Variants in PAWR observed in about 807,000 individuals in gnomAD.
PAWR encodes pro-apoptotic WT1 regulator, also known as PRKC apoptosis WT1 regulator protein.
In PAWR, 23 loss-of-function variants were observed where a neutral mutation model predicts 32.0. The ratio of observed to expected loss-of-function variants is 0.72; its 90% CI spans 0.52 to 1.02. The LOEUF is 1.02. PAWR is among the 50% of genes least tolerant of loss of function. The probability of loss-of-function intolerance (pLI) is 0.00; values close to 1 mark genes in which losing one functional copy is unlikely to be tolerated. For missense variants in PAWR, 457 were observed against 437.7 expected (o/e 1.04, Z -0.39); for synonymous variants, 226 against 187.1 (o/e 1.21, Z -1.70).
chr12:79,682,372 T>C (rs1434788126), intron 2 of PAWR, among the ~76,000 whole-genome samples: 7 of 152,312 alleles, frequency 4.6e-5, no homozygotes, highest in African/African-American at 7.2e-5. Flanking sequence ...CACAGAATTG[T>C]AATCCACAAT....
intron 4 of PAWR, among the ~76,000 whole-genome samples, chr12:79,610,883 T>G (rs1874404411): frequency 1.3e-5 from 2 of 150,046 alleles, no homozygotes; most frequent in African/African-American, 2.4e-5. Flanking sequence ...CACCTCCAAA[T>G]AGTTCCCTAC....
In PAWR at chr12:79,594,332, A is replaced by G. The variant is rs779182445; in HGVS notation, c.933T>C (p.Asn311=). 1 of 1,376,116 alleles carries G rather than the reference A, an allele frequency of 7.3e-7. No individual in the cohort carries two copies. Among genetic ancestry groups the G allele is most frequent in the Non-Finnish European group, 1.0e-6 (1 of 977,916 alleles). The allele number at this position is 1,376,116 out of a possible 1,614,324, so 85.2% of individuals were successfully genotyped here. A position where few individuals can be genotyped will look rare whatever the true frequency, so the allele number is the denominator to read the frequency against. Residue 311 remains asparagine, a synonymous_variant, in exon 6 of 7, where the codon AAT becomes AAC. Coordinates refer to ENST00000328827, the MANE Select transcript of PAWR (RefSeq NM_002583.4). ...TGAAATATGGTGAAATACTTACTCT[A>G]TTTAATAAATCAATTTCTTCTTTGA... ...GKLKEEIDLL[N]RDLDDIEDEN... is the part of the protein sequence containing the mutation.
chr12:79,628,220 T>C (rs1279093058), intron 2 of PAWR, among the ~76,000 whole-genome samples: 4 of 152,012 alleles, frequency 2.6e-5, no homozygotes, highest in Non-Finnish European at 5.9e-5. Flanking sequence ...GGGTACATAA[T>C]GAAATGAAGG....
At chr12:79,655,246 A>C (rs903209493) in intron 2 of PAWR, among the ~76,000 whole-genome samples, 4 of 152,168 alleles carry the variant, frequency 2.6e-5, no homozygotes, top group Non-Finnish European at 4.4e-5. Flanking sequence ...AAGTCTGAGG[A>C]GTACTGGTCT....
chr12:79,600,165 C>A (rs998677365), intron 4 of PAWR, among the ~76,000 whole-genome samples: 2 of 152,074 alleles, frequency 1.3e-5, no homozygotes, highest in Non-Finnish European at 2.9e-5. Context: ...AGTACAAATT[C>A]TTTTGATCTG....
At chr12:79,606,911 T>C (rs979383590) in intron 4 of PAWR, among the ~76,000 whole-genome samples, 7 of 152,130 alleles carry the variant, frequency 4.6e-5, no homozygotes, top group Admixed American at 4.6e-4. Context: ...CTTTGAATAG[T>C]ACCTGGTACA....
intron 2 of PAWR, among the ~76,000 whole-genome samples, chr12:79,683,412 T>C (rs1039677121): frequency 2.6e-5 from 4 of 152,168 alleles, no homozygotes; most frequent in African/African-American, 4.8e-5. Flanking sequence ...TCCCAAACTT[T>C]AGTGTGTACC....
intron 4 of PAWR, among the ~76,000 whole-genome samples, chr12:79,605,717 C>T (rs1021715829): frequency 6.6e-6 from 1 of 152,064 alleles, no homozygotes; most frequent in African/African-American, 2.4e-5. Flanking sequence ...ATAGTATATC[C>T]TGCAAACTTC....
chr12:79,618,875 C>T (rs1874870628), intron 3 of PAWR, among the ~76,000 whole-genome samples: 1 of 151,748 alleles, frequency 6.6e-6, no homozygotes, highest in Non-Finnish European at 1.5e-5. Flanking sequence ...TTATTTGGCA[C>T]TTTAATAATT....
At chr12:79,684,680 A>G (rs1452253509) in intron 2 of PAWR, among the ~76,000 whole-genome samples, 1 of 152,182 alleles carries the variant, frequency 6.6e-6, no homozygotes, top group Non-Finnish European at 1.5e-5. Context: ...TAGCTTGATA[A>G]TGATTTTAAA....
At chr12:79,659,315 A>C (rs1200774715) in intron 2 of PAWR, among the ~76,000 whole-genome samples, 1 of 152,124 alleles carries the variant, frequency 6.6e-6, no homozygotes, top group Non-Finnish European at 1.5e-5. Flanking sequence ...AAAAAATCTA[A>C]ATTCAAGCTA....
intron 2 of PAWR, among the ~76,000 whole-genome samples, chr12:79,639,884 T>TCCTATTCCTATTC (rs1403328612): frequency 2.6e-5 from 2 of 77,596 alleles, no homozygotes; most frequent in Admixed American, 1.4e-4. Flanking sequence ...CTATTCCTAT[T>TCCTATTCCTATTC]CCATTCCATT....
At chr12:79,682,178 G>T (rs565792669) in intron 2 of PAWR, among the ~76,000 whole-genome samples, 122 of 152,176 alleles carry the variant, frequency 8.0e-4, no homozygotes, top group African/African-American at 2.9e-3. Flanking sequence ...CTGAGCCAGG[G>T]TCTCACTTTG....
At chr12:79,654,154 A>G (rs1386855568) in intron 2 of PAWR, among the ~76,000 whole-genome samples, 1 of 152,212 alleles carries the variant, frequency 6.6e-6, no homozygotes, top group Non-Finnish European at 1.5e-5. Context: ...GACAGGGAAA[A>G]ACCAATTAGC....
At chr12:79,615,416 C>T (rs994260779) in intron 3 of PAWR, among the ~76,000 whole-genome samples, 12 of 152,212 alleles carry the variant, frequency 7.9e-5, no homozygotes, top group African/African-American at 2.9e-4. Context: ...CAGGAAATAA[C>T]CAGGTGACAG....
At chr12:79,645,036 CCACACACA>C (rs60664351) in intron 2 of PAWR, among the ~76,000 whole-genome samples, 2 of 119,910 alleles carry the variant, frequency 1.7e-5, no homozygotes, top group Non-Finnish European at 3.9e-5. Flanking sequence ...TCCACCCCCA[CCACACACA>C]CACACACACA....
rs544954093 is a variant in PAWR at position 79,591,095 on chromosome 12, A to G, written c.*1512T>C. 6.6e-6 allele frequency: 1 copy of G among 152,290 alleles called. No homozygotes were observed. The highest frequency in any genetic ancestry group is 2.1e-4 in the South Asian group (1 of 4,828). 9.4% of individuals were successfully genotyped at this position (152,290 alleles called of 1,614,324 possible). On this transcript the variant is annotated 3_prime_UTR_variant, in exon 7 of 7. Coordinates refer to ENST00000328827, the MANE Select transcript of PAWR (RefSeq NM_002583.4). The stretch of plus-strand genomic sequence containing the variant: ...AAAAATTGTGGAATCCAGAGTCTCA[A>G]CCTAAACCTACATAGGAGCTACAGC...
At chr12:79,612,377 T>C (rs150077115) in intron 4 of PAWR, among the ~76,000 whole-genome samples, 2 of 152,300 alleles carry the variant, frequency 1.3e-5, no homozygotes, top group East Asian at 3.9e-4. Flanking sequence ...AAAATTTTTA[T>C]ATAATATTGG....
chr12:79,663,568 G>C (rs1877450482), intron 2 of PAWR, among the ~76,000 whole-genome samples: 1 of 152,046 alleles, frequency 6.6e-6, no homozygotes, highest in Non-Finnish European at 1.5e-5. Context: ...GACTAGCCTG[G>C]GCAACATGGC....
Sources: allele counts gnomAD v4.1 joint callset (sites outside exome capture counted in the v4.1 genomes callset), GRCh38; gene constraint gnomAD v4.1.1; transcripts MANE v1.5; gene names NCBI Gene and HGNC (gene_info 2026-07-23, HGNC 2026-07-21).